OOSP4B: variants seen among roughly 807,000 people sequenced by gnomAD.
OOSP4B encodes the protein oocyte secreted protein family member 4B.
At chr11:60,023,758 G>C in intron 1 of OOSP4B, 122 bp from the exon 2 acceptor site, 1 of 394,236 alleles carries the variant, frequency 2.5e-6, no homozygotes, top group Admixed American at 4.4e-5. Flanking sequence ...TTTGAACATG[G>C]CTAATAGGAG....
At chr11:60,021,240 G>C (rs932019871) in intron 1 of OOSP4B, among the ~76,000 whole-genome samples, 2 of 152,218 alleles carry the variant, frequency 1.3e-5, no homozygotes, top group African/African-American at 4.8e-5. Context: ...ATAGGTTAGA[G>C]ATGAGATCTG....
rs573566510 is a variant in OOSP4B at position 60,018,706 on chromosome 11, A to G, written c.22+1293A>G. Among the ~76,000 whole-genome samples the G allele has an allele frequency of 5.9e-5, 9 of 152,290 alleles. 1 individual carries two copies. The South Asian group carries it at 1.9e-3, about 32-fold the overall frequency. On this transcript the variant is annotated intron_variant, in intron 1 of 4. Coordinates refer to ENST00000642343, the Ensembl canonical transcript of OOSP4B. ...TCTCAAACCTGCGATTACCTTTCTC[A>G]TAATCAGACTTGGCTTCTCTGTTAC...
At chr11:60,027,051 C>G (rs1854752021) in intron 3 of OOSP4B, among the ~76,000 whole-genome samples, 1 of 152,076 alleles carries the variant, frequency 6.6e-6, no homozygotes, top group Non-Finnish European at 1.5e-5. Context: ...TACATAAGTA[C>G]ATTGCATGAT....
chr11:60,021,805 G>A (rs1042982237), intron 1 of OOSP4B, among the ~76,000 whole-genome samples: 8 of 152,030 alleles, frequency 5.3e-5, no homozygotes, highest in South Asian at 2.1e-4. Context: ...CCAGCCTGGC[G>A]AAACCCTGTC....
chr11:60,021,407 C>T (rs1268004553), intron 1 of OOSP4B: 1 of 152,068 alleles, frequency 6.6e-6, no homozygotes, highest in Non-Finnish European at 1.5e-5. Context: ...TAACTGAAAC[C>T]TGAGTCAGGC....
chr11:60,024,500 A>G (rs1380751029), intron 2 of OOSP4B, among the ~76,000 whole-genome samples: 1 of 152,154 alleles, frequency 6.6e-6, no homozygotes. Flanking sequence ...AGATGGCACT[A>G]TTGCACTCCA....
chr11:60,024,353 A>G (rs1482953204), intron 2 of OOSP4B, among the ~76,000 whole-genome samples: 4 of 152,218 alleles, frequency 2.6e-5, no homozygotes. Context: ...CAACCTGGTC[A>G]ACATGGTTAA....
At chr11:60,029,371 A>G (rs1854780953) in intron 3 of OOSP4B, among the ~76,000 whole-genome samples, 2 of 152,102 alleles carry the variant, frequency 1.3e-5, no homozygotes, top group African/African-American at 4.8e-5. Context: ...CTATGTCTCT[A>G]TTTCCTGCCT....
At chr11:60,018,699 C>T (rs1854651268) in intron 1 of OOSP4B, among the ~76,000 whole-genome samples, 1 of 152,190 alleles carries the variant, frequency 6.6e-6, no homozygotes, top group Non-Finnish European at 1.5e-5. Context: ...CTGCGATTAC[C>T]TTTCTCATAA....
chr11:60,019,682 A>C (rs974315860), intron 1 of OOSP4B: 6 of 152,416 alleles, frequency 3.9e-5, no homozygotes, highest in African/African-American at 1.4e-4. Context: ...AGACCTTCGC[A>C]TGAGTGTTAC....
chr11:60,023,781 C>T (rs1854718117), intron 1 of OOSP4B, 99 bp from the exon 2 acceptor site: 1 of 396,556 alleles, frequency 2.5e-6, no homozygotes, highest in South Asian at 1.4e-4. Flanking sequence ...TGAACGCTAC[C>T]CATGTAGCTT....
rs560313843 is a variant in OOSP4B at position 60,019,233 on chromosome 11, T to TA, written c.22+1829dup. ...GCGAGACTCTTTCTCAGAAAAAAAA[T>TA]AAAAAAAAATAACCTAGTGCCTGTA... is the stretch of plus-strand genomic sequence containing the variant. On this transcript the variant is annotated intron_variant, in intron 1 of 4. Coordinates refer to ENST00000642343, the Ensembl canonical transcript of OOSP4B. Among the ~76,000 whole-genome samples the TA allele has an allele frequency of 1.2e-4, 18 of 148,954 alleles. No homozygotes were observed. In the South Asian group the frequency reaches 2.4e-3, roughly 19 times the overall value.
intron 2 of OOSP4B, 129 bp from the exon 3 acceptor site, chr11:60,024,779 A>G (rs1256657351): frequency 7.6e-6 from 3 of 393,668 alleles, no homozygotes; most frequent in Non-Finnish European, 1.3e-5. Flanking sequence ...CATGAGGTCT[A>G]CTATTTTATA....
chr11:60,022,650 A>G (rs1013779382), intron 1 of OOSP4B, among the ~76,000 whole-genome samples: 3 of 152,176 alleles, frequency 2.0e-5, no homozygotes, highest in Non-Finnish European at 2.9e-5. Context: ...ACCTGGGTCA[A>G]TGTCTTCTGT....
At chr11:60,018,649 A>G (rs1854650607) in intron 1 of OOSP4B, among the ~76,000 whole-genome samples, 1 of 152,218 alleles carries the variant, frequency 6.6e-6, no homozygotes, top group Admixed American at 6.5e-5. Flanking sequence ...CTCAGAGTGA[A>G]TAAGATTTGT....
intron 1 of OOSP4B, chr11:60,021,539 G>T (rs1565048321): frequency 6.6e-6 from 1 of 152,226 alleles, no homozygotes; most frequent in Non-Finnish European, 1.5e-5. Context: ...TGATGGCCTA[G>T]ATCACTGTCT....
At position 60,030,787 on chromosome 11, in the gene OOSP4B, C is replaced by G. The variant is rs975089154; in HGVS notation, c.451-15C>G. The G allele has an allele frequency of 2.5e-6, 1 of 398,068 alleles. No individual in the cohort carries two copies. Among genetic ancestry groups the G allele is most frequent in the Non-Finnish European group, 4.4e-6 (1 of 225,828 alleles). 24.7% of individuals were successfully genotyped at this position (398,068 alleles called of 1,614,324 possible). ...TTTAAGCAGCTCTTAACTGCTTTTCCCCCCTATCCTACAGGAGCAACTATC... is the reference window on the plus strand; with the variant it reads ...TTTAAGCAGCTCTTAACTGCTTTTCGCCCCTATCCTACAGGAGCAACTATC... On this transcript the variant is annotated splice_polypyrimidine_tract_variant and intron_variant, in intron 4 of 4. Transcript: ENST00000642343.
intron 3 of OOSP4B, among the ~76,000 whole-genome samples, chr11:60,026,145 A>G (rs1208108841): frequency 3.3e-5 from 5 of 152,108 alleles, no homozygotes; most frequent in Non-Finnish European, 4.4e-5. Context: ...TTTTTTGATG[A>G]GCAGACGTCT....
chr11:60,023,455 A>T (rs1487697554), intron 1 of OOSP4B, among the ~76,000 whole-genome samples: 1 of 151,776 alleles, frequency 6.6e-6, no homozygotes, highest in East Asian at 1.9e-4. Context: ...TTTTTTTGAG[A>T]TGGGGGTCTC....
Sources: allele counts gnomAD v4.1 joint callset (sites outside exome capture counted in the v4.1 genomes callset), GRCh38; gene constraint gnomAD v4.1.1; transcripts MANE v1.5; gene names NCBI Gene and HGNC (gene_info 2026-07-23, HGNC 2026-07-21).